Variants in NXN observed in about 807,000 individuals in gnomAD.
NXN encodes the protein nucleoredoxin 1.
Under a neutral mutation model 48.6 loss-of-function variants are expected in NXN, and 16 were observed. That is an observed-to-expected ratio of 0.33 (90% CI 0.22 to 0.50). The LOEUF is 0.50. Ranked by LOEUF, NXN falls within the 20% of genes least tolerant of loss-of-function variation. NXN has a pLI of 0.98. For synonymous variants in NXN, 281 were observed against 269.6 expected (o/e 1.04, Z -0.41); for missense variants, 492 against 605.5 (o/e 0.81, Z 1.97).
At chr17:946,832 T>G (rs377333803) in intron 1 of NXN, among the ~76,000 whole-genome samples, 4 of 152,254 alleles carry the variant, frequency 2.6e-5, no homozygotes, top group African/African-American at 7.2e-5. Flanking sequence ...CTTGGGAGAA[T>G]GAAATGAGGC....
At chr17:940,004 G>C (rs570797773) in intron 1 of NXN, among the ~76,000 whole-genome samples, 1 of 151,712 alleles carries the variant, frequency 6.6e-6, no homozygotes, top group South Asian at 2.1e-4. Flanking sequence ...TGTGATCATG[G>C]CTCACTGTAG....
At chr17:840,230 G>C (rs987028951) in intron 1 of NXN, among the ~76,000 whole-genome samples, 3 of 152,204 alleles carry the variant, frequency 2.0e-5, no homozygotes, top group Admixed American at 6.5e-5. Flanking sequence ...AGGGAGAATG[G>C]GGAAATGACT....
chr17:812,178 C>T (rs2467270), intron 5 of NXN, among the ~76,000 whole-genome samples: 56,265 of 151,244 alleles, frequency 0.37, 10,562 homozygotes, highest in East Asian at 0.53. Context: ...CCGCCCGCCT[C>T]GGCCTCCCAA....
chr17:820,594 A>G (rs1448504151), intron 4 of NXN, among the ~76,000 whole-genome samples: 1 of 76,056 alleles, frequency 1.3e-5, no homozygotes, highest in Admixed American at 1.3e-4. Context: ...CCCGGGCGAC[A>G]GAGCGAGACT....
At chr17:804,241 G>A (rs935773301) in intron 6 of NXN, among the ~76,000 whole-genome samples, 9 of 151,830 alleles carry the variant, frequency 5.9e-5, no homozygotes, top group East Asian at 3.9e-4. Flanking sequence ...GGTGGTGAGC[G>A]GGAGGGGGTG....
intron 1 of NXN, among the ~76,000 whole-genome samples, chr17:974,579 A>G (rs1459993044): frequency 6.6e-6 from 1 of 151,946 alleles, no homozygotes; most frequent in Admixed American, 6.6e-5. Flanking sequence ...CTGTTATCAC[A>G]AATGGAAAAG....
At chr17:857,770 T>G (rs2068001209) in intron 1 of NXN, among the ~76,000 whole-genome samples, 1 of 152,176 alleles carries the variant, frequency 6.6e-6, no homozygotes, top group Non-Finnish European at 1.5e-5. Flanking sequence ...TCTTCACCGA[T>G]ACCTGGTAGA....
At chr17:824,208 G>GT (rs1020229140) in intron 2 of NXN, among the ~76,000 whole-genome samples, 9 of 151,398 alleles carry the variant, frequency 5.9e-5, no homozygotes, top group South Asian at 4.2e-4. Flanking sequence ...CCCGGCTAAT[G>GT]TTTTTTTTCT....
intron 1 of NXN, 138 bp downstream of exon 1, chr17:979,180 TG>T: frequency 5.2e-6 from 1 of 191,898 alleles, no homozygotes; most frequent in Non-Finnish European, 8.8e-6. Context: ...GGCGGGGGAC[TG>T]GGGGCAGGGG....
chr17:840,866 A>G (rs1914128324), intron 1 of NXN, among the ~76,000 whole-genome samples: 1 of 152,148 alleles, frequency 6.6e-6, no homozygotes, highest in South Asian at 2.1e-4. Flanking sequence ...AAAGGACGGC[A>G]CACCAAGCTT....
At chr17:888,021 G>C (rs2068367404) in intron 1 of NXN, among the ~76,000 whole-genome samples, 1 of 152,174 alleles carries the variant, frequency 6.6e-6, no homozygotes, top group Non-Finnish European at 1.5e-5. Flanking sequence ...GGTCACGGTT[G>C]AGAAGCGTGC....
At chr17:924,437 A>G (rs1456629930) in intron 1 of NXN, among the ~76,000 whole-genome samples, 2 of 152,172 alleles carry the variant, frequency 1.3e-5, no homozygotes, top group Non-Finnish European at 2.9e-5. Flanking sequence ...GGGTTTCACC[A>G]TGTTGGCCAG....
chr17:894,972 C>G, intron 1 of NXN, among the ~76,000 whole-genome samples: 1 of 146,398 alleles, frequency 6.8e-6, no homozygotes, highest in Admixed American at 6.8e-5. Context: ...CTTTCTCTCT[C>G]ATCCTTTCCT....
At chr17:936,657 AG>A (rs2068910907) in intron 1 of NXN, among the ~76,000 whole-genome samples, 1 of 150,962 alleles carries the variant, frequency 6.6e-6, no homozygotes, top group Admixed American at 6.7e-5. Flanking sequence ...AGGGAAAAAA[AG>A]GGTGCTACGA....
At chr17:850,849 G>A (rs142302395) in intron 1 of NXN, among the ~76,000 whole-genome samples, 1 of 152,322 alleles carries the variant, frequency 6.6e-6, no homozygotes, top group Admixed American at 6.5e-5. Context: ...CCCCGGCCAG[G>A]TGTGTGCTGG....
intron 5 of NXN, among the ~76,000 whole-genome samples, chr17:812,810 A>C (rs969671732): frequency 4.0e-5 from 5 of 123,852 alleles, no homozygotes; most frequent in African/African-American, 6.3e-5. Flanking sequence ...GCGTGAGTGT[A>C]GGTGTGTGTG....
intron 1 of NXN, among the ~76,000 whole-genome samples, chr17:913,367 G>A (rs1336789530): frequency 6.6e-6 from 1 of 152,130 alleles, no homozygotes; most frequent in Admixed American, 6.6e-5. Context: ...AAGTCCATTC[G>A]CTTGTCAGTT....
intron 1 of NXN, among the ~76,000 whole-genome samples, chr17:946,047 A>T (rs1731115532): frequency 6.6e-6 from 1 of 152,090 alleles, no homozygotes; most frequent in South Asian, 2.1e-4. Context: ...AAGGAGAGGG[A>T]AAGGGAGAGA....
At chr17:915,073 T>G (rs1267180981) in intron 1 of NXN, among the ~76,000 whole-genome samples, 1 of 151,350 alleles carries the variant, frequency 6.6e-6, no homozygotes, top group Non-Finnish European at 1.5e-5. Context: ...TAGCTGGGAA[T>G]ACAGGCACCC....
Sources: gnomAD v4.1 joint callset for allele counts (sites outside exome capture counted in the v4.1 genomes callset) on GRCh38, gnomAD v4.1.1 for gene constraint, MANE v1.5 for transcripts, NCBI Gene and HGNC (gene_info 2026-07-23, HGNC 2026-07-21) for gene names.